SGCZ: variants seen among roughly 807,000 people sequenced by gnomAD.
The protein encoded by SGCZ is zeta-sarcoglycan.
In SGCZ, 40 loss-of-function variants were observed where a neutral mutation model predicts 41.3. The ratio of observed to expected loss-of-function variants is 0.97; its 90% confidence interval spans 0.75 to 1.26. The LOEUF is 1.26. Among genes scored for constraint, SGCZ ranks in the 50% most tolerant of loss-of-function variants. The probability of loss-of-function intolerance (pLI) is 0.00; values close to 1 mark genes in which losing one functional copy is unlikely to be tolerated. For missense variants in SGCZ, 552 were observed against 369.8 expected (o/e 1.49, Z -4.04); for synonymous variants, 206 against 137.5 (o/e 1.50, Z -3.49).
intron 1 of SGCZ, among the ~76,000 whole-genome samples, chr8:14,843,590 T>C (rs1802998963): frequency 6.6e-6 from 1 of 152,250 alleles, no homozygotes; most frequent in South Asian, 2.1e-4. Context: ...TAATAAAAAA[T>C]ATATTACATG....
chr8:14,416,917 AAG>A (rs1447070577), intron 2 of SGCZ, among the ~76,000 whole-genome samples: 4 of 151,896 alleles, frequency 2.6e-5, no homozygotes, highest in African/African-American at 9.7e-5. Flanking sequence ...TGAGGAAAAA[AAG>A]AGCATATGTG....
chr8:14,203,760 T>G (rs539330488), intron 4 of SGCZ, among the ~76,000 whole-genome samples: 1 of 152,246 alleles, frequency 6.6e-6, no homozygotes, highest in African/African-American at 2.4e-5. Context: ...TAAAGCAGAA[T>G]GCACTTAGTA....
intron 2 of SGCZ, among the ~76,000 whole-genome samples, chr8:14,393,473 G>A (rs925952973): frequency 1.3e-5 from 2 of 152,098 alleles, no homozygotes; most frequent in African/African-American, 2.4e-5. Context: ...ATAAGATTAC[G>A]GTGGGGCGAC....
chr8:14,642,633 G>C (rs931195089), intron 1 of SGCZ, among the ~76,000 whole-genome samples: 1 of 151,412 alleles, frequency 6.6e-6, no homozygotes, highest in Non-Finnish European at 1.5e-5. Context: ...TTCAATGGTA[G>C]CTTCCTTTCT....
At chr8:14,267,322 C>A (rs1326389378) in intron 3 of SGCZ, among the ~76,000 whole-genome samples, 2 of 151,726 alleles carry the variant, frequency 1.3e-5, no homozygotes, top group Non-Finnish European at 2.9e-5. Context: ...CAAAATAACC[C>A]CACGGGAGGA....
chr8:14,983,537 G>C (rs1388721863), intron 1 of SGCZ, among the ~76,000 whole-genome samples: 3 of 151,972 alleles, frequency 2.0e-5, no homozygotes, highest in East Asian at 1.9e-4. Context: ...TAAAAGTGGA[G>C]TTTTGCTAAG....
At chr8:14,143,182 G>A (rs919967297) in intron 5 of SGCZ, among the ~76,000 whole-genome samples, 3 of 152,042 alleles carry the variant, frequency 2.0e-5, no homozygotes, top group African/African-American at 4.8e-5. Context: ...GACAAAGAAC[G>A]TATTTTTAAA....
intron 1 of SGCZ, among the ~76,000 whole-genome samples, chr8:14,680,794 AT>A (rs1387692829): frequency 1.4e-5 from 2 of 142,572 alleles, no homozygotes; most frequent in African/African-American, 4.9e-5. Flanking sequence ...TACAGACTGT[AT>A]TTAAAAAGAC....
intron 4 of SGCZ, among the ~76,000 whole-genome samples, chr8:14,184,767 T>C (rs944104783): frequency 1.3e-5 from 2 of 152,204 alleles, no homozygotes; most frequent in Non-Finnish European, 2.9e-5. Flanking sequence ...TTTTTCCATA[T>C]GTGGGCTTAA....
At chr8:14,146,828 C>T (rs1803536722) in intron 5 of SGCZ, among the ~76,000 whole-genome samples, 1 of 140,386 alleles carries the variant, frequency 7.1e-6, no homozygotes, top group African/African-American at 2.8e-5. Context: ...GCCGAGATCC[C>T]GCCACTGCAC....
chr8:15,058,094 G>A (rs74539135), intron 1 of SGCZ, among the ~76,000 whole-genome samples: 21 of 152,186 alleles, frequency 1.4e-4, no homozygotes, highest in Non-Finnish European at 1.5e-5. Flanking sequence ...TTTCACGAGG[G>A]TGGTCAAGTA....
At chr8:15,148,103 G>C (rs1220474627) in intron 1 of SGCZ, among the ~76,000 whole-genome samples, 1 of 152,134 alleles carries the variant, frequency 6.6e-6, no homozygotes, top group African/African-American at 2.4e-5. Flanking sequence ...GCAGCGATGA[G>C]GCAGCTAGTA....
chr8:14,146,393 C>T (rs936011350), intron 5 of SGCZ, among the ~76,000 whole-genome samples: 3 of 152,018 alleles, frequency 2.0e-5, no homozygotes, highest in Non-Finnish European at 2.9e-5. Context: ...CAAACTAAAG[C>T]CGAGGGATTT....
At chr8:14,728,146 A>G (rs1810119529) in intron 1 of SGCZ, among the ~76,000 whole-genome samples, 2 of 152,284 alleles carry the variant, frequency 1.3e-5, no homozygotes, top group Admixed American at 1.3e-4. Context: ...TATGTTCGAA[A>G]CTTTGTATGT....
intron 1 of SGCZ, among the ~76,000 whole-genome samples, chr8:15,105,052 A>G (rs1806770904): frequency 6.6e-6 from 1 of 152,172 alleles, no homozygotes; most frequent in South Asian, 2.1e-4. Flanking sequence ...GAATGTTGTC[A>G]TTTTAAAAAA....
intron 1 of SGCZ, among the ~76,000 whole-genome samples, chr8:14,778,112 A>T (rs1234479363): frequency 6.6e-6 from 1 of 151,914 alleles, no homozygotes; most frequent in East Asian, 1.9e-4. Flanking sequence ...TGTTTTTGTA[A>T]AGATGAGGTC....
chr8:14,506,102 C>A (rs1194790378), intron 2 of SGCZ, among the ~76,000 whole-genome samples: 4 of 151,954 alleles, frequency 2.6e-5, no homozygotes, highest in African/African-American at 9.7e-5. Flanking sequence ...CTTTGGGAGG[C>A]CGAGGCAGGC....
intron 4 of SGCZ, among the ~76,000 whole-genome samples, chr8:14,214,596 A>G (rs1306593115): frequency 6.6e-6 from 1 of 152,174 alleles, no homozygotes; most frequent in African/African-American, 2.4e-5. Context: ...AACAGAATGG[A>G]TTTAAAAATG....
intron 1 of SGCZ, among the ~76,000 whole-genome samples, chr8:14,699,170 T>A (rs542703090): frequency 6.6e-6 from 1 of 150,728 alleles, no homozygotes; most frequent in Non-Finnish European, 1.5e-5. Flanking sequence ...TATATAAATA[T>A]GTATATACAC....
Sources: allele counts gnomAD v4.1 joint callset (sites outside exome capture counted in the v4.1 genomes callset), GRCh38; gene constraint gnomAD v4.1.1; transcripts MANE v1.5; gene names NCBI Gene and HGNC (gene_info 2026-07-23, HGNC 2026-07-21).